The following VAPA variants were observed in gnomAD, a reference collection of about 807,000 sequenced individuals.
VAPA encodes the protein VAMP associated protein A, also known as vesicle-associated membrane protein-associated protein A.
In VAPA, 6 loss-of-function variants were observed where a neutral mutation model predicts 25.6. That is an observed-to-expected ratio of 0.23 (90% CI 0.13 to 0.46). The LOEUF (loss-of-function observed/expected upper bound fraction) is 0.46, where lower values mean the gene tolerates loss of function less well. VAPA is among the 20% of genes least tolerant of loss of function. The probability of loss-of-function intolerance (pLI) is 0.99; values close to 1 mark genes in which losing one functional copy is unlikely to be tolerated. For synonymous variants in VAPA, 112 were observed against 106.2 expected (o/e 1.05, Z -0.34); for missense variants, 244 against 302.1 (o/e 0.81, Z 1.43).
At chr18:9,933,585 A>G (rs920012332) in intron 2 of VAPA, among the ~76,000 whole-genome samples, 1 of 152,184 alleles carries the variant, frequency 6.6e-6, no homozygotes, top group Non-Finnish European at 1.5e-5. Flanking sequence ...TTGCCCAGGT[A>G]GGAGAGCAGT....
chr18:9,946,879 TATAG>T (rs2069429979), intron 4 of VAPA, among the ~76,000 whole-genome samples: 1 of 152,242 alleles, frequency 6.6e-6, no homozygotes, highest in African/African-American at 2.4e-5. Context: ...AAGCACAGTG[TATAG>T]ATAAATAAAA....
intron 4 of VAPA, among the ~76,000 whole-genome samples, chr18:9,938,896 A>G (rs1396094698): frequency 1.3e-5 from 2 of 152,232 alleles, no homozygotes; most frequent in Non-Finnish European, 2.9e-5. Context: ...CTTATTATAT[A>G]TAAATCCTGT....
Position 9,958,178 on chromosome 18 carries a change from T to C in VAPA, c.*3967T>C, listed in dbSNP as rs1385079701. 1 of 152,248 alleles carries C rather than the reference T, an allele frequency of 6.6e-6. No individual in the cohort carries two copies. The highest frequency in any genetic ancestry group is 1.5e-5 in the Non-Finnish European group (1 of 68,042). The allele number at this position is 152,248 out of a possible 1,614,324, so 9.4% of individuals were successfully genotyped here. ...AAGCATAATCACTAATTATAAGTTGTATCCTATTTTTTTCCAGCTTAATTT... is the reference window on the plus strand; with the variant it reads ...AAGCATAATCACTAATTATAAGTTGCATCCTATTTTTTTCCAGCTTAATTT... On this transcript the variant is annotated 3_prime_UTR_variant, in exon 6 of 6. Coordinates refer to ENST00000400000, the MANE Select transcript of VAPA (RefSeq NM_194434.3).
chr18:9,953,927 C>A, intron 5 of VAPA, 126 bp from the exon 6 acceptor site: 1 of 1,104,806 alleles, frequency 9.1e-7, no homozygotes, highest in Non-Finnish European at 1.3e-6. Flanking sequence ...AGCAGTTAAT[C>A]CCCTTTTCCG....
intron 4 of VAPA, among the ~76,000 whole-genome samples, chr18:9,946,743 A>C (rs1251986394): frequency 5.9e-5 from 9 of 152,120 alleles, no homozygotes; most frequent in Non-Finnish European, 1.3e-4. Flanking sequence ...GGCCTAGGAC[A>C]TTACTGTACA....
At chr18:9,952,574 AAAAAAAC>A (rs1293855641) in intron 5 of VAPA, among the ~76,000 whole-genome samples, 1 of 151,836 alleles carries the variant, frequency 6.6e-6, no homozygotes, top group African/African-American at 2.4e-5. Flanking sequence ...CAAAAAAAAA[AAAAAAAC>A]AAAACCCTTG....
intron 5 of VAPA, 109 bp from the exon 6 acceptor site, chr18:9,953,944 G>C: frequency 7.3e-7 from 1 of 1,370,782 alleles, no homozygotes; most frequent in Non-Finnish European, 1.0e-6. Flanking sequence ...TCCGTCCCCA[G>C]CCATAGGCAA....
intron 2 of VAPA, among the ~76,000 whole-genome samples, chr18:9,934,938 C>G (rs946843635): frequency 6.6e-6 from 1 of 151,408 alleles, no homozygotes; most frequent in African/African-American, 2.4e-5. Flanking sequence ...ACTAAAAATA[C>G]AAAAAAATTA....
At chr18:9,946,374 A>C (rs544333022) in intron 4 of VAPA, among the ~76,000 whole-genome samples, 43 of 152,148 alleles carry the variant, frequency 2.8e-4, no homozygotes, top group Non-Finnish European at 4.3e-4. Flanking sequence ...AGCTTATTCA[A>C]CCTGCAGCCT....
intron 2 of VAPA, 107 bp from the exon 3 acceptor site, chr18:9,936,003 G>GT: frequency 1.3e-6 from 1 of 740,892 alleles, no homozygotes; most frequent in Non-Finnish European, 2.0e-6. Flanking sequence ...GCCAGATACG[G>GT]TTTAAGGCAA....
At chr18:9,936,817 G>T in intron 3 of VAPA, 169 bp from the exon 4 acceptor site, 1 of 565,152 alleles carries the variant, frequency 1.8e-6, no homozygotes, top group Non-Finnish European at 3.2e-6. Context: ...TTATATAAAG[G>T]TTCTGTGACA....
In VAPA at chr18:9,914,071, G is replaced by A. The variant is rs2069087168; in HGVS notation, c.-186G>A. ...CTGGTGTGGGGTTGAGTCAGTTGTG[G>A]GACCCGGAGCTGCTGACCCAGCGGG... On this transcript the variant is annotated 5_prime_UTR_variant, in exon 1 of 6. Coordinates refer to ENST00000400000, the MANE Select transcript of VAPA (RefSeq NM_194434.3). 1.9e-6 allele frequency: 1 copy of A among 526,060 alleles called. No homozygotes were observed. The highest frequency in any genetic ancestry group is 3.3e-6 in the Non-Finnish European group (1 of 300,960). The allele number at this position is 526,060 out of a possible 1,614,324, so 32.6% of individuals were successfully genotyped here.
Position 9,957,378 on chromosome 18 carries a change from G to T in VAPA, c.*3167G>T, listed in dbSNP as rs911576904. 1.3e-5 allele frequency: 2 copies of T among 152,150 alleles called. No homozygotes were observed. Among genetic ancestry groups the T allele is most frequent in the Admixed American group, 1.3e-4 (2 of 15,278 alleles). The allele number at this position is 152,150 out of a possible 1,614,324, so 9.4% of individuals were successfully genotyped here. A position where few individuals can be genotyped will look rare whatever the true frequency, so the allele number is the denominator to read the frequency against. On this transcript the variant is annotated 3_prime_UTR_variant, in exon 6 of 6. Transcript: ENST00000400000. Reference sequence around the variant, plus strand: ...GTTCACCTAAAGTTGATATTATTTGGTATGGGAATTACTTTTGAACTGTAA... The same window carrying T: ...GTTCACCTAAAGTTGATATTATTTGTTATGGGAATTACTTTTGAACTGTAA...
chr18:9,957,984 A>G lies in VAPA; in HGVS notation c.*3773A>G, dbSNP rs1267017586. ...AGCCGCTCGTGGGTTGGTGCAAAGA[A>G]GTATAAACATATATCACTAAGGAAA... On this transcript the variant is annotated 3_prime_UTR_variant, in exon 6 of 6. Coordinates refer to ENST00000400000, the MANE Select transcript of VAPA (RefSeq NM_194434.3). The G allele has an allele frequency of 6.6e-6, 1 of 152,246 alleles. No individual in the cohort carries two copies. Among genetic ancestry groups the G allele is most frequent in the Non-Finnish European group, 1.5e-5 (1 of 68,040 alleles). The allele number at this position is 152,246 out of a possible 1,614,324, so 9.4% of individuals were successfully genotyped here. A position where few individuals can be genotyped will look rare whatever the true frequency, so the allele number is the denominator to read the frequency against.
intron 1 of VAPA, among the ~76,000 whole-genome samples, chr18:9,919,452 A>T (rs1305149669): frequency 6.6e-6 from 1 of 152,228 alleles, no homozygotes; most frequent in African/African-American, 2.4e-5. Context: ...GGGCAGTTCT[A>T]ACAAGAGAGA....
rs1466342697 is a variant in VAPA at position 9,959,225 on chromosome 18, CCT to C, written c.*5016_*5017del. On this transcript the variant is annotated 3_prime_UTR_variant, in exon 6 of 6. Coordinates refer to ENST00000400000, the MANE Select transcript of VAPA (RefSeq NM_194434.3). ...TCCTGGTCCAAGTCAAATATTGACTCCTCACAAACAGTAAGTATGGCAATTTT... is the reference window on the plus strand; with the variant it reads ...TCCTGGTCCAAGTCAAATATTGACTCCACAAACAGTAAGTATGGCAATTTT... 2 of 152,190 alleles carry C rather than the reference CCT, an allele frequency of 1.3e-5. No homozygotes were observed. The highest frequency in any genetic ancestry group is 1.9e-4 in the East Asian group (1 of 5,198). 9.4% of individuals were successfully genotyped at this position (152,190 alleles called of 1,614,324 possible).
In VAPA at chr18:9,958,524, A is replaced by G. The variant is rs2069574121; in HGVS notation, c.*4313A>G. On this transcript the variant is annotated 3_prime_UTR_variant, in exon 6 of 6. Coordinates refer to ENST00000400000, the MANE Select transcript of VAPA (RefSeq NM_194434.3). ...CATGATGAGCTTAGGAACATAAAAG[A>G]TAATTGTTGCTTGAATAGCACCCCC... 1 of 152,138 alleles carries G rather than the reference A, an allele frequency of 6.6e-6. No individual in the cohort carries two copies. Among genetic ancestry groups the G allele is most frequent in the Non-Finnish European group, 1.5e-5 (1 of 68,000 alleles). The allele number at this position is 152,138 out of a possible 1,614,324, so 9.4% of individuals were successfully genotyped here.
At chr18:9,932,390 C>T (rs3025595) in intron 2 of VAPA, among the ~76,000 whole-genome samples, 1 of 152,160 alleles carries the variant, frequency 6.6e-6, no homozygotes, top group Non-Finnish European at 1.5e-5. Flanking sequence ...TGTGTCAAAT[C>T]AGATGAGTCT....
intron 4 of VAPA, chr18:9,949,808 A>G (rs2069468294): frequency 6.6e-6 from 1 of 152,644 alleles, no homozygotes; most frequent in South Asian, 2.1e-4. Context: ...TTTGGGGCTC[A>G]TAGTCTTCAA....
Sources: gnomAD v4.1 joint callset for allele counts (sites outside exome capture counted in the v4.1 genomes callset) on GRCh38, gnomAD v4.1.1 for gene constraint, MANE v1.5 for transcripts, NCBI Gene and HGNC (gene_info 2026-07-23, HGNC 2026-07-21) for gene names.